NTM: variants seen among roughly 807,000 people sequenced by gnomAD.
NTM encodes neurotrimin, also known as IgLON family member 2.
NTM carries 13 observed loss-of-function variants against 42.1 expected under a neutral mutation model. That is an observed-to-expected ratio of 0.31 (90% CI 0.20 to 0.49). The LOEUF (loss-of-function observed/expected upper bound fraction) is 0.49, where lower values mean the gene tolerates loss of function less well. NTM is among the 20% of genes least tolerant of loss of function. The pLI is 0.99. For synonymous variants in NTM, 187 were observed against 179.2 expected, an observed-to-expected ratio of 1.04 and a Z score of -0.35; for missense variants, 373 against 452.8, an observed-to-expected ratio of 0.82 and a Z score of 1.60.
chr11:132,218,879 G>A (rs1389158523), intron 4 of NTM, among the ~76,000 whole-genome samples: 2 of 152,190 alleles, frequency 1.3e-5, no homozygotes, highest in African/African-American at 2.4e-5. Flanking sequence ...GTGTCTGAAA[G>A]AGATAGGCTT....
chr11:131,923,296 C>T (rs1253545881), intron 2 of NTM, among the ~76,000 whole-genome samples: 2 of 152,226 alleles, frequency 1.3e-5, no homozygotes, highest in African/African-American at 4.8e-5. Context: ...GATTACATTA[C>T]TGCCTGGGAC....
intron 1 of NTM, among the ~76,000 whole-genome samples, chr11:131,479,835 T>A (rs1001723183): frequency 6.6e-6 from 1 of 152,172 alleles, no homozygotes; most frequent in African/African-American, 2.4e-5. Flanking sequence ...CTCAGCTGCA[T>A]GCTGAATTAA....
intron 2 of NTM, among the ~76,000 whole-genome samples, chr11:132,013,337 G>A (rs574782996): frequency 1.3e-5 from 2 of 152,290 alleles, no homozygotes; most frequent in African/African-American, 4.8e-5. Flanking sequence ...GCCGTTAAAT[G>A]TTGTGCTTAG....
intron 1 of NTM, among the ~76,000 whole-genome samples, chr11:131,558,076 G>T (rs1249029887): frequency 6.6e-6 from 1 of 152,186 alleles, no homozygotes; most frequent in Non-Finnish European, 1.5e-5. Context: ...CGAGCCTTTT[G>T]TGCTATGACA....
At chr11:132,161,032 G>A (rs1190164339) in intron 3 of NTM, among the ~76,000 whole-genome samples, 1 of 152,194 alleles carries the variant, frequency 6.6e-6, no homozygotes, top group Non-Finnish European at 1.5e-5. Context: ...TCCTCACTTG[G>A]TTTCAGTTTT....
In NTM at chr11:132,003,407, G is replaced by T. The variant is rs928600127; in HGVS notation, c.167+91759G>T. 7.2e-5 allele frequency among the ~76,000 whole-genome samples: 11 copies of T among 151,954 alleles called. No individual in the cohort carries two copies. Among genetic ancestry groups the T allele is most frequent in the African/African-American group, 2.4e-4 (10 of 41,386 alleles). On this transcript the variant is annotated intron_variant, in intron 2 of 8. Coordinates refer to ENST00000683400, the MANE Select transcript of NTM (RefSeq NM_001352005.2). The surrounding 1 kb of genome is among the most constrained non-coding windows in gnomAD (Gnocchi z 6.0). ...ACCACAGGTGTGCACCACTATGTCT[G>T]GCTAATTTTTAAATTTTATGTAGAG...
intron 5 of NTM, 73 bp from the exon 6 acceptor site, chr11:132,310,039 A>G: frequency 6.8e-7 from 1 of 1,480,402 alleles, no homozygotes; most frequent in Non-Finnish European, 8.9e-7. Flanking sequence ...CTGAGCCACA[A>G]GAGCAAGACT....
intron 2 of NTM, among the ~76,000 whole-genome samples, chr11:131,950,253 T>C (rs2060827199): frequency 6.6e-6 from 1 of 152,198 alleles, no homozygotes; most frequent in African/African-American, 2.4e-5. Flanking sequence ...AGAAGGATGC[T>C]CCTGAAGTTT....
intron 1 of NTM, among the ~76,000 whole-genome samples, chr11:131,444,502 G>A (rs1348464597): frequency 6.6e-6 from 1 of 152,214 alleles, no homozygotes; most frequent in East Asian, 1.9e-4. Flanking sequence ...AGAGAGTTGG[G>A]GCTTGAGAAA....
At chr11:132,289,817 G>A (rs1407774955) in intron 4 of NTM, among the ~76,000 whole-genome samples, 1 of 152,202 alleles carries the variant, frequency 6.6e-6, no homozygotes, top group Admixed American at 6.5e-5. Flanking sequence ...CCTCAGGGCA[G>A]GGTCGAGGGA....
chr11:131,631,302 A>G (rs1258593818), intron 1 of NTM, among the ~76,000 whole-genome samples: 1 of 152,246 alleles, frequency 6.6e-6, no homozygotes, highest in Non-Finnish European at 1.5e-5. Flanking sequence ...TCTCAGGCAG[A>G]GAAAACCACG....
intron 7 of NTM, chr11:132,314,937 G>GTAGTATATGTATAGTACATGTATA: frequency 7.8e-7 from 1 of 1,278,920 alleles, no homozygotes; most frequent in Non-Finnish European, 9.9e-7. Flanking sequence ...TGTATACAAA[G>GTAGTATATGTATAGTACATGTATA]TAGTATATGT....
chr11:132,130,117 A>G (rs2066554953), intron 2 of NTM, among the ~76,000 whole-genome samples: 3 of 152,210 alleles, frequency 2.0e-5, no homozygotes, highest in Non-Finnish European at 4.4e-5. Context: ...CACAGTAAAT[A>G]TTCTCAGAAG....
In NTM at chr11:132,335,500, C is replaced by T. The variant is rs11634; in HGVS notation, c.*354C>T. On this transcript the variant is annotated 3_prime_UTR_variant, in exon 9 of 9. Transcript: ENST00000683400. Reference sequence around the variant, plus strand: ...CCTCTCTGCCCACAGAGTGCCCCCACGTGGAACATTCTGGAGCTGGCCATC... The same window carrying T: ...CCTCTCTGCCCACAGAGTGCCCCCATGTGGAACATTCTGGAGCTGGCCATC... 33,090 of 250,108 alleles carry T rather than the reference C, an allele frequency of 0.13. 2,952 individuals carry two copies. The highest frequency in any genetic ancestry group is 0.3 in the South Asian group (6,247 of 20,616). The allele number at this position is 250,108 out of a possible 1,614,324, so 15.5% of individuals were successfully genotyped here. A position where few individuals can be genotyped will look rare whatever the true frequency, so the allele number is the denominator to read the frequency against.
chr11:131,645,761 G>C lies in NTM; in HGVS notation c.83-265803G>C, dbSNP rs528371260. Among the ~76,000 whole-genome samples, 213 of 152,158 alleles carry C rather than the reference G, an allele frequency of 1.4e-3. 2 individuals carry two copies. The highest frequency in any genetic ancestry group is 6.8e-3 in the Middle Eastern group (2 of 294). The stretch of plus-strand genomic sequence containing the variant: ...TCTCCTTCGGAGTGTCAAATGTTCT[G>C]CCTTTCATACTTCTTTCAATGGGAT... On this transcript the variant is annotated intron_variant, in intron 1 of 8. Transcript: ENST00000683400.
intron 1 of NTM, among the ~76,000 whole-genome samples, chr11:131,549,239 A>T (rs1234136848): frequency 6.6e-6 from 1 of 152,198 alleles, no homozygotes; most frequent in Non-Finnish European, 1.5e-5. Context: ...AGCTGAGGCC[A>T]CTATTGGGAA....
chr11:132,009,918 T>A (rs1036420405), intron 2 of NTM, among the ~76,000 whole-genome samples: 1 of 152,168 alleles, frequency 6.6e-6, no homozygotes, highest in African/African-American at 2.4e-5. Flanking sequence ...CAGAGAAGGT[T>A]ACCCTTTTTT....
chr11:131,915,873 C>A (rs1352838006), intron 2 of NTM, among the ~76,000 whole-genome samples: 3 of 152,198 alleles, frequency 2.0e-5, no homozygotes, highest in Non-Finnish European at 4.4e-5. Flanking sequence ...AATTATCTCC[C>A]ACTGGGTCCC....
intron 1 of NTM, among the ~76,000 whole-genome samples, chr11:131,439,271 A>C (rs1242702791): frequency 6.6e-6 from 1 of 152,142 alleles, no homozygotes. Flanking sequence ...TCAGGGACTC[A>C]CTTGGGGAGG....
Sources: gnomAD v4.1 joint callset for allele counts (sites outside exome capture counted in the v4.1 genomes callset) on GRCh38, gnomAD v4.1.1 for gene constraint, Gnocchi (gnomAD v3.1) non-coding constraint, MANE v1.5 for transcripts, NCBI Gene and HGNC (gene_info 2026-07-23, HGNC 2026-07-21) for gene names.